RBFOX1: variants seen among roughly 807,000 people sequenced by gnomAD.
The protein encoded by RBFOX1 is RNA binding protein fox-1 homolog 1.
Under a neutral mutation model 57.7 loss-of-function variants are expected in RBFOX1, and 8 were observed. The observed-to-expected ratio is 0.14, with a 90% CI of 0.08 to 0.25. The LOEUF (loss-of-function observed/expected upper bound fraction) is 0.25. Ranked by LOEUF, RBFOX1 falls within the 10% of genes least tolerant of loss-of-function variation. RBFOX1 has a pLI of 1.00. For missense variants in RBFOX1, 611 were observed against 548.5 expected, an observed-to-expected ratio of 1.11 and a Z score of -1.14; for synonymous variants, 326 against 222.4, an observed-to-expected ratio of 1.47 and a Z score of -4.15.
chr16:5,691,159 T>C (rs2151459678), intron 3 of RBFOX1, among the ~76,000 whole-genome samples: 1 of 152,372 alleles, frequency 6.6e-6, no homozygotes, highest in South Asian at 2.1e-4. Flanking sequence ...TTATGTTTTC[T>C]GAGCTCCTCA....
intron 2 of RBFOX1, among the ~76,000 whole-genome samples, chr16:6,614,476 A>G (rs955686265): frequency 3.3e-5 from 5 of 152,200 alleles, no homozygotes; most frequent in Admixed American, 1.3e-4. Context: ...CCGGGACAGG[A>G]CAAACCAATC....
chr16:6,217,895 A>C (rs2097346362), intron 1 of RBFOX1, among the ~76,000 whole-genome samples: 1 of 152,164 alleles, frequency 6.6e-6, no homozygotes, highest in African/African-American at 2.4e-5. Context: ...CATGATTGTT[A>C]ATCCGAGCTA....
At chr16:7,083,881 C>T (rs2059578780) in intron 4 of RBFOX1, among the ~76,000 whole-genome samples, 1 of 152,106 alleles carries the variant, frequency 6.6e-6, no homozygotes, top group South Asian at 2.1e-4. Context: ...GGAATGGTGA[C>T]TCTGTGGTGA....
intron 3 of RBFOX1, among the ~76,000 whole-genome samples, chr16:6,955,006 G>C (rs1345692941): frequency 1.3e-5 from 2 of 151,724 alleles, no homozygotes; most frequent in Non-Finnish European, 2.9e-5. Flanking sequence ...TGAGGCAGGA[G>C]GATTGCTTGA....
intron 3 of RBFOX1, among the ~76,000 whole-genome samples, chr16:6,913,193 A>G (rs2072158782): frequency 6.6e-6 from 1 of 152,020 alleles, no homozygotes; most frequent in African/African-American, 2.4e-5. Flanking sequence ...CTTGAAAAAC[A>G]TTTTTTTAAA....
At position 5,543,334 on chromosome 16, in the gene RBFOX1, C is replaced by A. The variant is rs562390259; in HGVS notation, c.259-55568C>A. 5.9e-5 allele frequency among the ~76,000 whole-genome samples: 9 copies of A among 151,874 alleles called. No individual in the cohort carries two copies. In the South Asian group the frequency reaches 1.9e-3, roughly 32 times the overall value. On this transcript the variant is annotated intron_variant, in intron 2 of 2. Coordinates refer to the RBFOX1 transcript ENST00000585867. ...AAAAATTAAACAGAAACATGGAAGA[C>A]AAAAAAAGACCCAAATCAAAACTCT...
intron 3 of RBFOX1, among the ~76,000 whole-genome samples, chr16:6,930,815 A>G (rs1402048806): frequency 1.3e-5 from 2 of 152,132 alleles, no homozygotes; most frequent in Admixed American, 6.6e-5. Context: ...TCAGTCTATG[A>G]GCAAATGTCA....
chr16:6,996,325 G>C (rs1208764125), intron 3 of RBFOX1, among the ~76,000 whole-genome samples: 1 of 152,074 alleles, frequency 6.6e-6, no homozygotes, highest in Admixed American at 6.5e-5. Context: ...TTTTAAATTT[G>C]ATATTCGGAC....
intron 3 of RBFOX1, among the ~76,000 whole-genome samples, chr16:6,807,732 C>A (rs758465626): frequency 6.6e-6 from 1 of 152,044 alleles, no homozygotes; most frequent in Non-Finnish European, 1.5e-5. Flanking sequence ...AGAAGAATCA[C>A]TTGAATCCAG....
At chr16:6,650,641 A>G (rs1259276774) in intron 2 of RBFOX1, among the ~76,000 whole-genome samples, 1 of 152,202 alleles carries the variant, frequency 6.6e-6, no homozygotes, top group Non-Finnish European at 1.5e-5. Context: ...CACTTGACTG[A>G]TAGGAAAACA....
chr16:5,406,448 A>T (rs2066869955), intron 1 of RBFOX1, among the ~76,000 whole-genome samples: 1 of 152,112 alleles, frequency 6.6e-6, no homozygotes, highest in Non-Finnish European at 1.5e-5. Flanking sequence ...ACTAGGATGT[A>T]TCCCATTGGT....
At chr16:7,339,199 C>A (rs2096847641) in intron 4 of RBFOX1, among the ~76,000 whole-genome samples, 1 of 152,104 alleles carries the variant, frequency 6.6e-6, no homozygotes, top group Admixed American at 6.6e-5. Flanking sequence ...AGCAGGAAGG[C>A]CTAGCTTGCA....
At chr16:5,439,822 A>G (rs1233260152) in intron 1 of RBFOX1, among the ~76,000 whole-genome samples, 1 of 151,854 alleles carries the variant, frequency 6.6e-6, no homozygotes, top group Non-Finnish European at 1.5e-5. Flanking sequence ...CAGAAGGGGA[A>G]GCAAACATGT....
chr16:7,583,148 C>CTTTTTTTTTTTT (rs34658435), intron 6 of RBFOX1, among the ~76,000 whole-genome samples: 1 of 132,388 alleles, frequency 7.6e-6, no homozygotes. Context: ...TCTAGCTCAT[C>CTTTTTTTTTTTT]TTTTTTTTTT....
At chr16:7,025,231 T>A (rs963174985) in intron 3 of RBFOX1, among the ~76,000 whole-genome samples, 1 of 152,148 alleles carries the variant, frequency 6.6e-6, no homozygotes, top group Admixed American at 6.5e-5. Flanking sequence ...CTCCCCTTTT[T>A]AGACCATATA....
intron 2 of RBFOX1, among the ~76,000 whole-genome samples, chr16:6,626,335 A>G (rs1266062639): frequency 5.3e-5 from 8 of 152,242 alleles, no homozygotes; most frequent in African/African-American, 9.6e-5. Flanking sequence ...GAGAAGATCC[A>G]TGGTGTGGAG....
At chr16:5,992,295 A>T (rs996301082) in intron 4 of RBFOX1, among the ~76,000 whole-genome samples, 4 of 152,198 alleles carry the variant, frequency 2.6e-5, no homozygotes, top group African/African-American at 9.6e-5. Context: ...ATTGCAATAG[A>T]TAGGGAAAAA....
intron 4 of RBFOX1, among the ~76,000 whole-genome samples, chr16:7,124,623 T>C (rs1248425121): frequency 6.8e-6 from 1 of 146,934 alleles, no homozygotes; most frequent in Non-Finnish European, 1.5e-5. Flanking sequence ...TCTTCACCAA[T>C]AGGGCAACAC....
intron 1 of RBFOX1, among the ~76,000 whole-genome samples, chr16:5,321,879 C>T (rs1428806636): frequency 1.3e-5 from 2 of 152,144 alleles, no homozygotes; most frequent in Non-Finnish European, 1.5e-5. Flanking sequence ...TAGCACAGAG[C>T]AGGGACCCAC....
Sources: allele counts gnomAD v4.1 joint callset (sites outside exome capture counted in the v4.1 genomes callset), GRCh38; gene constraint gnomAD v4.1.1; transcripts MANE v1.5; gene names NCBI Gene and HGNC (gene_info 2026-07-23, HGNC 2026-07-21).